The following ZNF532 variants were observed in gnomAD, a reference collection of about 807,000 sequenced individuals.
The protein encoded by ZNF532 is zinc finger protein 532.
ZNF532 carries 22 observed loss-of-function variants against 89.3 expected under a neutral mutation model. The observed-to-expected ratio is 0.25, with a 90% CI of 0.18 to 0.35. ZNF532 has a LOEUF of 0.35. ZNF532 is among the 10% of genes least tolerant of loss of function. The probability of loss-of-function intolerance (pLI) is 1.00; values close to 1 mark genes in which losing one functional copy is unlikely to be tolerated. For missense variants in ZNF532, 1,132 were observed against 1,643.4 expected (o/e 0.69, Z 5.38); for synonymous variants, 606 against 649.6 (o/e 0.93, Z 1.02).
intron 8 of ZNF532, chr18:58,979,430 C>T: frequency 4.7e-6 from 1 of 210,954 alleles, no homozygotes; most frequent in Non-Finnish European, 9.6e-6. Flanking sequence ...CTCTGTTGCC[C>T]AGGCTGGAGT....
At chr18:58,893,569 A>G (rs1241039497) in intron 2 of ZNF532, among the ~76,000 whole-genome samples, 1 of 150,662 alleles carries the variant, frequency 6.6e-6, no homozygotes, top group Non-Finnish European at 1.5e-5. Flanking sequence ...GGTGGGGAGG[A>G]TCGCTTGAGC....
intron 2 of ZNF532, among the ~76,000 whole-genome samples, chr18:58,893,999 C>T (rs1473052444): frequency 2.0e-5 from 3 of 152,122 alleles, no homozygotes; most frequent in African/African-American, 7.2e-5. Context: ...TCTTCTGGTT[C>T]TAGACTCAAA....
chr18:58,979,045 C>T lies in ZNF532; in HGVS notation c.3151-10C>T. 1 of 1,602,766 alleles carries T rather than the reference C, an allele frequency of 6.2e-7. No homozygotes were observed. Among genetic ancestry groups the T allele is most frequent in the Non-Finnish European group, 8.5e-7 (1 of 1,171,104 alleles). On this transcript the variant is annotated splice_polypyrimidine_tract_variant and intron_variant, in intron 7 of 9. Transcript: ENST00000591808. Reference sequence around the variant, plus strand: ...CATTCCCTTAAGTGAACTTTCTCTCCTTCCTCCAGCAAATGAAGAAACACC... The same window carrying T: ...CATTCCCTTAAGTGAACTTTCTCTCTTTCCTCCAGCAAATGAAGAAACACC...
At chr18:58,877,764 G>T (rs1179492350) in intron 2 of ZNF532, among the ~76,000 whole-genome samples, 1 of 152,188 alleles carries the variant, frequency 6.6e-6, no homozygotes, top group Non-Finnish European at 1.5e-5. Context: ...ATTGTTGGAA[G>T]GGGAGTGGAG....
At chr18:58,979,351 A>AAAAT (rs35743757) in intron 8 of ZNF532, 184 bp downstream of exon 8, 209,194 of 402,644 alleles carry the variant, frequency 0.52, 55,831 homozygotes, top group East Asian at 0.63. Context: ...GAAAATAAAA[A>AAAAT]AAAAAGGAGC....
chr18:58,871,291 A>C (rs1018549374), intron 2 of ZNF532, among the ~76,000 whole-genome samples: 3 of 152,136 alleles, frequency 2.0e-5, no homozygotes, highest in Non-Finnish European at 2.9e-5. Flanking sequence ...ACTGGACTCA[A>C]ACTAGCTGGA....
At chr18:58,865,681 A>T (rs1568193532) in intron 2 of ZNF532, 102 bp downstream of exon 2, 1 of 152,426 alleles carries the variant, frequency 6.6e-6, no homozygotes, top group African/African-American at 2.4e-5. Flanking sequence ...AATTGGGTTC[A>T]GAGTGGAGAA....
At chr18:58,951,098 G>A (rs1200673276) in intron 6 of ZNF532, among the ~76,000 whole-genome samples, 3 of 152,074 alleles carry the variant, frequency 2.0e-5, no homozygotes, top group Non-Finnish European at 4.4e-5. Context: ...TGAGACTACA[G>A]GCATGCGCCA....
intron 2 of ZNF532, among the ~76,000 whole-genome samples, chr18:58,904,600 C>T (rs937451741): frequency 6.6e-6 from 1 of 152,038 alleles, no homozygotes; most frequent in African/African-American, 2.4e-5. Context: ...TCCTTGTGAT[C>T]CCTATAACCA....
intron 7 of ZNF532, among the ~76,000 whole-genome samples, chr18:58,963,739 C>T (rs2065610837): frequency 6.8e-6 from 1 of 147,918 alleles, no homozygotes; most frequent in Admixed American, 6.9e-5. Flanking sequence ...AGGAGGATTG[C>T]TAGAGCCCAG....
intron 7 of ZNF532, among the ~76,000 whole-genome samples, chr18:58,976,142 T>G (rs1393674410): frequency 2.0e-5 from 3 of 152,250 alleles, no homozygotes; most frequent in Non-Finnish European, 4.4e-5. Context: ...AGGTTTGATC[T>G]GGAAACTGGT....
chr18:58,974,768 C>G (rs966949397), intron 7 of ZNF532, among the ~76,000 whole-genome samples: 1 of 152,270 alleles, frequency 6.6e-6, no homozygotes, highest in Middle Eastern at 3.4e-3. Flanking sequence ...CTAAGATTGC[C>G]CTCCTTCCCC....
intron 6 of ZNF532, among the ~76,000 whole-genome samples, chr18:58,951,367 T>A (rs2064141165): frequency 6.6e-6 from 1 of 152,240 alleles, no homozygotes; most frequent in East Asian, 1.9e-4. Flanking sequence ...TATTTTATCC[T>A]TTCTTCAGCT....
rs757812473 is a variant in ZNF532 at position 58,983,987 on chromosome 18, C to T, written c.3427C>T (p.Arg1143Trp). Reference sequence around the variant, plus strand: ...TCCCTGAAAGGTCCCCAGTCCCAAGCGGAAGTTGGAAGAACCAGTTCTGGA... The same window carrying T: ...TCCCTGAAAGGTCCCCAGTCCCAAGTGGAAGTTGGAAGAACCAGTTCTGGA... ...KEDTKVPSPK[R>W]KLEEPVLEFR... Residue 1143 changes from arginine to tryptophan, a missense_variant, in exon 10 of 10, where the codon CGG (arginine) becomes TGG (tryptophan). Physicochemically the swap from Arg to Trp is moderately radical, Grantham distance 101. Around this residue, in one of 9 missense-constraint regions of ZNF532, gnomAD observed 415 missense variants for 604.8 expected, o/e 0.69. Transcript: ENST00000591808. The T allele has an allele frequency of 1.9e-6, 3 of 1,608,762 alleles. No homozygotes were observed. The highest frequency in any genetic ancestry group is 1.7e-5 in the Admixed American group (1 of 59,616).
At chr18:58,897,198 A>G (rs1261955481) in intron 2 of ZNF532, among the ~76,000 whole-genome samples, 3 of 152,188 alleles carry the variant, frequency 2.0e-5, no homozygotes, top group African/African-American at 7.2e-5. Flanking sequence ...GTTTGACTGA[A>G]CAGTTGCTCT....
chr18:58,871,336 C>T (rs145147197), intron 2 of ZNF532, among the ~76,000 whole-genome samples: 69 of 152,272 alleles, frequency 4.5e-4, no homozygotes, highest in African/African-American at 1.3e-3. Context: ...CCTCCTGCCT[C>T]GGCTTCCCAA....
intron 2 of ZNF532, among the ~76,000 whole-genome samples, chr18:58,867,120 T>C (rs867368596): frequency 1.3e-4 from 20 of 152,388 alleles, no homozygotes; most frequent in African/African-American, 4.6e-4. Flanking sequence ...CTTAATACAA[T>C]AAGCTGTTTT....
At chr18:58,937,542 T>C (rs1402415118) in intron 4 of ZNF532, among the ~76,000 whole-genome samples, 3 of 152,236 alleles carry the variant, frequency 2.0e-5, no homozygotes, top group Non-Finnish European at 4.4e-5. Context: ...CAAGTGACTT[T>C]AGGTAATTAT....
intron 5 of ZNF532, among the ~76,000 whole-genome samples, chr18:58,941,955 CCTCCCTCT>C (rs201644710): frequency 4.5e-5 from 6 of 133,232 alleles, no homozygotes; most frequent in African/African-American, 1.1e-4. Flanking sequence ...TCCTTTCCTC[CCTCCCTCT>C]CTCCCTCCCT....
Sources: gnomAD v4.1 joint callset for allele counts (sites outside exome capture counted in the v4.1 genomes callset) on GRCh38, gnomAD v4.1.1 for gene constraint, gnomAD v4.1.1 regional missense constraint, MANE v1.5 for transcripts, NCBI Gene and HGNC (gene_info 2026-07-23, HGNC 2026-07-21) for gene names.